Variants in ANKRD12 observed in about 807,000 individuals in gnomAD.
ANKRD12 encodes the protein ankyrin repeat domain-containing protein 12.
Under a neutral mutation model 183.4 loss-of-function variants are expected in ANKRD12, and 85 were observed. The observed-to-expected ratio is 0.46, with a 90% CI of 0.39 to 0.56. The LOEUF (loss-of-function observed/expected upper bound fraction) is 0.56, where lower values mean the gene tolerates loss of function less well. Ranked by LOEUF, ANKRD12 falls within the 20% of genes least tolerant of loss-of-function variation. The pLI, the probability that ANKRD12 is intolerant of heterozygous loss-of-function variation, is 0.00. For missense variants in ANKRD12, 2,405 were observed against 2,357.1 expected (o/e 1.02, Z -0.42); for synonymous variants, 914 against 800.2 (o/e 1.14, Z -2.40).
intron 3 of ANKRD12, among the ~76,000 whole-genome samples, chr18:9,201,551 T>C (rs1223558772): frequency 6.6e-6 from 1 of 152,216 alleles, no homozygotes; most frequent in African/African-American, 2.4e-5. Context: ...GGGTTAAACA[T>C]TTCTGTGATT....
At chr18:9,280,430 A>C (rs2040057633) in intron 12 of ANKRD12, among the ~76,000 whole-genome samples, 1 of 152,164 alleles carries the variant, frequency 6.6e-6, no homozygotes, top group African/African-American at 2.4e-5. Flanking sequence ...CGTGCTGTAT[A>C]AGGTGAAAAT....
Position 9,283,512 on chromosome 18 carries a change from A to G in ANKRD12, c.*2386A>G, listed in dbSNP as rs1009219369. ...TAGTTAAGGGCTTTTGGTATTAAAGATATTCTGAAGCTCTGAAATGCTAGA... is the reference window on the plus strand; with the variant it reads ...TAGTTAAGGGCTTTTGGTATTAAAGGTATTCTGAAGCTCTGAAATGCTAGA... On this transcript the variant is annotated 3_prime_UTR_variant, in exon 13 of 13. Coordinates refer to ENST00000262126, the MANE Select transcript of ANKRD12 (RefSeq NM_015208.5). 1.3e-5 allele frequency: 2 copies of G among 152,492 alleles called. No homozygotes were observed. Among genetic ancestry groups the G allele is most frequent in the African/African-American group, 4.8e-5 (2 of 41,466 alleles). 9.4% of individuals were successfully genotyped at this position (152,492 alleles called of 1,614,324 possible). A position where few individuals can be genotyped will look rare whatever the true frequency, so the allele number is the denominator to read the frequency against.
intron 10 of ANKRD12, among the ~76,000 whole-genome samples, chr18:9,275,124 G>A (rs1293525628): frequency 1.3e-5 from 2 of 151,990 alleles, no homozygotes; most frequent in African/African-American, 2.4e-5. Context: ...CCAGGATTTC[G>A]AGATTACAGT....
intron 2 of ANKRD12, among the ~76,000 whole-genome samples, chr18:9,190,820 C>T (rs1186779618): frequency 1.3e-5 from 2 of 152,174 alleles, no homozygotes; most frequent in East Asian, 1.9e-4. Context: ...TGCACACTTA[C>T]TAGACTACAT....
At chr18:9,149,791 A>ATTTATTT (rs776328260) in intron 1 of ANKRD12, among the ~76,000 whole-genome samples, 150 of 146,412 alleles carry the variant, frequency 1.0e-3, no homozygotes, top group Middle Eastern at 3.5e-3. Flanking sequence ...TTTATTTATT[A>ATTTATTT]AATTTTATTT....
intron 8 of ANKRD12, chr18:9,239,571 A>G: frequency 8.0e-7 from 1 of 1,253,500 alleles, no homozygotes; most frequent in Non-Finnish European, 1.0e-6. Context: ...GTATCATATA[A>G]AGATTTTGGA....
In ANKRD12 at chr18:9,258,755, T is replaced by A; in HGVS notation, c.5488T>A (p.Ser1830Thr). The A allele has an allele frequency of 6.2e-7, 1 of 1,613,806 alleles. No individual in the cohort carries two copies. Among genetic ancestry groups the A allele is most frequent in the Admixed American group, 1.7e-5 (1 of 59,950 alleles). ...ACTAGATGAGATTCAGCCATACAGT[T>A]CAGAGAGAGCAAATCCATATTTTGA... ...LKLDEIQPYS[S>T]ERANPYFEYL... Residue 1830 changes from serine (S) to threonine (T), a missense_variant, in exon 9 of 13, where the codon TCA (serine) becomes ACA (threonine). Ser to Thr is a moderately conservative substitution (Grantham distance 58). Coordinates refer to ENST00000262126, the MANE Select transcript of ANKRD12 (RefSeq NM_015208.5).
At chr18:9,218,289 A>G (rs1417737562) in intron 7 of ANKRD12, among the ~76,000 whole-genome samples, 1 of 152,162 alleles carries the variant, frequency 6.6e-6, no homozygotes, top group Non-Finnish European at 1.5e-5. Context: ...TCCCAGAGGG[A>G]GGGACCTTTG....
chr18:9,157,555 G>GTATGTGTA (rs199894678), intron 1 of ANKRD12, among the ~76,000 whole-genome samples: 6,893 of 82,556 alleles, frequency 0.083, 494 homozygotes, highest in African/African-American at 0.14. Flanking sequence ...GTGTGGGTGT[G>GTATGTGTA]TGTGTGTGTG....
Position 9,257,919 on chromosome 18 carries a change from TAGG to T in ANKRD12, c.4655_4657del (p.Gly1552del). The T allele has an allele frequency of 1.2e-6, 2 of 1,613,992 alleles. No individual in the cohort carries two copies. The highest frequency in any genetic ancestry group is 2.2e-5 in the South Asian group (2 of 91,076). ...AAAGATACAGAAAATACTTTTGTCC[TAGG>T]AGATGTTCAAAAAACAGATGCCTTT... On this transcript the variant is annotated inframe_deletion, in exon 9 of 13. Coordinates refer to ENST00000262126, the MANE Select transcript of ANKRD12 (RefSeq NM_015208.5).
At chr18:9,276,101 G>A (rs2039820742) in intron 11 of ANKRD12, among the ~76,000 whole-genome samples, 1 of 152,208 alleles carries the variant, frequency 6.6e-6, no homozygotes, top group Non-Finnish European at 1.5e-5. Context: ...TACATGAACT[G>A]TGGAAGACTG....
intron 1 of ANKRD12, among the ~76,000 whole-genome samples, chr18:9,164,573 G>A (rs1315844836): frequency 6.6e-6 from 1 of 152,162 alleles, no homozygotes; most frequent in African/African-American, 2.4e-5. Context: ...CGTTTTAGCT[G>A]CATCCCAGAG....
intron 9 of ANKRD12, among the ~76,000 whole-genome samples, chr18:9,261,517 C>G (rs777743105): frequency 1.3e-5 from 2 of 152,202 alleles, no homozygotes; most frequent in Non-Finnish European, 2.9e-5. Context: ...TTCTGTGGAA[C>G]ATACTTTAAG....
intron 3 of ANKRD12, among the ~76,000 whole-genome samples, chr18:9,199,820 T>C (rs2035062971): frequency 6.6e-6 from 1 of 152,222 alleles, no homozygotes; most frequent in African/African-American, 2.4e-5. Flanking sequence ...AATTTATTAC[T>C]GTCTCTGCTA....
At chr18:9,244,612 A>G (rs1015901679) in intron 8 of ANKRD12, among the ~76,000 whole-genome samples, 8 of 152,242 alleles carry the variant, frequency 5.3e-5, no homozygotes, top group Non-Finnish European at 7.3e-5. Flanking sequence ...TAGTACTCGT[A>G]TGATTTCGAT....
chr18:9,162,933 G>T (rs2031624313), intron 1 of ANKRD12, among the ~76,000 whole-genome samples: 1 of 151,920 alleles, frequency 6.6e-6, no homozygotes, highest in African/African-American at 2.4e-5. Flanking sequence ...TGTAGACTCT[G>T]GATATTAAAT....
intron 1 of ANKRD12, among the ~76,000 whole-genome samples, chr18:9,147,202 TTATGTAC>T: frequency 6.6e-6 from 1 of 152,288 alleles, no homozygotes; most frequent in East Asian, 1.9e-4. Flanking sequence ...CTCACTTATC[TTATGTAC>T]CACTGTTAAA....
intron 1 of ANKRD12, chr18:9,137,735 C>A (rs1382933888): frequency 6.6e-6 from 1 of 152,436 alleles, no homozygotes; most frequent in East Asian, 1.9e-4. Flanking sequence ...CAGTTCCCGT[C>A]ATCGTTTTTC....
At chr18:9,276,131 GT>G (rs2039822317) in intron 11 of ANKRD12, among the ~76,000 whole-genome samples, 1 of 152,116 alleles carries the variant, frequency 6.6e-6, no homozygotes, top group African/African-American at 2.4e-5. Context: ...CTTCAATAAA[GT>G]TTACTGCCAC....
Sources: gnomAD v4.1 joint callset for allele counts (sites outside exome capture counted in the v4.1 genomes callset) on GRCh38, gnomAD v4.1.1 for gene constraint, MANE v1.5 for transcripts, NCBI Gene and HGNC (gene_info 2026-07-23, HGNC 2026-07-21) for gene names.